Variants in CHD6 observed in about 807,000 individuals in gnomAD.
CHD6 encodes the protein chromodomain helicase DNA binding protein 6, also known as ATP-dependent chromatin remodeler CHD6.
Under a neutral mutation model 276.9 loss-of-function variants are expected in CHD6, and 50 were observed. The observed-to-expected ratio is 0.18, with a 90% confidence interval of 0.14 to 0.23. The LOEUF (loss-of-function observed/expected upper bound fraction) is 0.23. CHD6 is among the 10% of genes least tolerant of loss of function. CHD6 has a pLI of 1.00. For synonymous variants in CHD6, 1,173 were observed against 1,229.3 expected (o/e 0.95, Z 0.96); for missense variants, 2,564 against 3,365.8 (o/e 0.76, Z 5.89).
Position 41,441,090 on chromosome 20 carries a change from A to G in CHD6, c.3878-961T>C, listed in dbSNP as rs373294567. Among the ~76,000 whole-genome samples, 9 of 152,306 alleles carry G rather than the reference A, an allele frequency of 5.9e-5. No individual in the cohort carries two copies. In the East Asian group the frequency reaches 1.7e-3, roughly 29 times the overall value. On this transcript the variant is annotated intron_variant, in intron 25 of 36. Transcript: ENST00000373233. ...GCCATCTCCATGACAGGTGCTGCCC[A>G]CATGAGGTACCTGGCACGAGAAGCT...
At chr20:41,503,553 C>T (rs1336957948) in intron 5 of CHD6, among the ~76,000 whole-genome samples, 1 of 152,048 alleles carries the variant, frequency 6.6e-6, no homozygotes, top group Non-Finnish European at 1.5e-5. Context: ...CAATATTATC[C>T]ACCAGATTTT....
intron 5 of CHD6, among the ~76,000 whole-genome samples, chr20:41,505,128 G>A (rs539096174): frequency 6.6e-6 from 1 of 152,260 alleles, no homozygotes; most frequent in East Asian, 1.9e-4. Context: ...CCTGAAACAT[G>A]CTCTATGGAG....
chr20:41,476,717 T>C (rs192593148), intron 16 of CHD6, among the ~76,000 whole-genome samples: 52 of 151,698 alleles, frequency 3.4e-4, no homozygotes, highest in Non-Finnish European at 1.2e-4. Flanking sequence ...GAGACAATAG[T>C]GTATATGAAG....
At chr20:41,610,830 GTA>G (rs1568733106) in intron 1 of CHD6, among the ~76,000 whole-genome samples, 4 of 152,096 alleles carry the variant, frequency 2.6e-5, no homozygotes, top group Non-Finnish European at 5.9e-5. Flanking sequence ...GAAATACTTT[GTA>G]TGGTAAAAAT....
intron 1 of CHD6, among the ~76,000 whole-genome samples, chr20:41,555,139 G>A (rs1423436117): frequency 1.1e-4 from 15 of 131,986 alleles, no homozygotes; most frequent in East Asian, 2.9e-4. Context: ...CCGACGGGGC[G>A]GCTGGCCGGG....
intron 1 of CHD6, among the ~76,000 whole-genome samples, chr20:41,559,048 A>C: frequency 6.6e-6 from 1 of 152,156 alleles, no homozygotes; most frequent in Non-Finnish European, 1.5e-5. Context: ...TTTCATTACA[A>C]TGTTGATGAG....
At position 41,534,647 on chromosome 20, in the gene CHD6, T is replaced by C. The variant is rs181926768; in HGVS notation, c.34-1077A>G. On this transcript the variant is annotated intron_variant, in intron 2 of 36. Coordinates refer to ENST00000373233, the MANE Select transcript of CHD6 (RefSeq NM_032221.5). ...CTCATAAGCCTAAATACAAAGGGAATTGGTCATTCTGACAGGACTCACTAC... is the reference window on the plus strand; with the variant it reads ...CTCATAAGCCTAAATACAAAGGGAACTGGTCATTCTGACAGGACTCACTAC... 6.5e-4 allele frequency among the ~76,000 whole-genome samples: 99 copies of C among 152,178 alleles called. No individual in the cohort carries two copies. In the East Asian group the frequency reaches 0.012, roughly 19 times the overall value.
In CHD6 at chr20:41,451,846, T is replaced by A; in HGVS notation, c.3503A>T (p.Gln1168Leu). 6.2e-7 allele frequency: 1 copy of A among 1,614,176 alleles called. No homozygotes were observed. Among genetic ancestry groups the A allele is most frequent in the Non-Finnish European group, 8.5e-7 (1 of 1,180,004 alleles). ...LITPTKDGQA[Q>L]TLQNHSGLSA... ...CTCACCTGAGTGGTTCTGGAGGGTC[T>A]GGGCTTGCCCATCTTTGGTAGGTGT... Residue 1168 changes from glutamine to leucine, a missense_variant, in exon 22 of 37, where the codon CAG (glutamine) becomes CTG (leucine). This residue lies in a region of CHD6 where 515 missense variants were observed against 739.5 expected (regional missense o/e 0.70). Transcript: ENST00000373233.
chr20:41,494,626 T>C (rs1440965470), intron 8 of CHD6, among the ~76,000 whole-genome samples: 1 of 152,190 alleles, frequency 6.6e-6, no homozygotes, highest in Admixed American at 6.5e-5. Flanking sequence ...GTGACCAAGT[T>C]GACGGAGCTA....
intron 1 of CHD6, among the ~76,000 whole-genome samples, chr20:41,582,959 G>C (rs770297005): frequency 6.6e-6 from 1 of 152,094 alleles, no homozygotes; most frequent in Non-Finnish European, 1.5e-5. Flanking sequence ...AAAAGAAGTG[G>C]AGGGAAACAC....
intron 17 of CHD6, among the ~76,000 whole-genome samples, chr20:41,466,095 C>T (rs184550518): frequency 5.7e-4 from 86 of 152,154 alleles, no homozygotes; most frequent in Middle Eastern, 3.4e-3. Flanking sequence ...CCAACTACTT[C>T]GGAGGCTGAG....
rs148665616 is a variant in CHD6, at chr20:41,556,870, A to G, written c.-23-5510T>C. The stretch of plus-strand genomic sequence containing the variant: ...TTTTTAAATCTTTTTAAAGGCACAC[A>G]TTAAAAAATACATAAAACAATGTCA... On this transcript the variant is annotated intron_variant, in intron 1 of 36. Coordinates refer to ENST00000373233, the MANE Select transcript of CHD6 (RefSeq NM_032221.5). 5.6e-3 allele frequency among the ~76,000 whole-genome samples: 855 copies of G among 152,346 alleles called. 8 individuals carry two copies. The highest frequency in any genetic ancestry group is 0.024 in the Middle Eastern group (7 of 294).
chr20:41,546,183 C>T (rs528336210), intron 2 of CHD6, among the ~76,000 whole-genome samples: 1 of 152,006 alleles, frequency 6.6e-6, no homozygotes, highest in South Asian at 2.1e-4. Context: ...TAAATTATAC[C>T]CATATTCACT....
chr20:41,542,959 C>CT (rs1169721812), intron 2 of CHD6, among the ~76,000 whole-genome samples: 1 of 151,982 alleles, frequency 6.6e-6, no homozygotes, highest in Non-Finnish European at 1.5e-5. Flanking sequence ...AAAAAACTAG[C>CT]TGGGTGTGGT....
rs1601132180 is a variant in CHD6 at position 41,551,393 on chromosome 20, G to A, written c.-23-33C>T. 6 of 982,654 alleles carry A rather than the reference G, an allele frequency of 6.1e-6. No individual in the cohort carries two copies. In the East Asian group the frequency reaches 1.0e-4, roughly 17 times the overall value. The allele number at this position is 982,654 out of a possible 1,614,324, so 60.9% of individuals were successfully genotyped here. ...ACATTTTTAAAAAGGCAAAGATTAT[G>A]ACAAAACCCAAAATAAAACATTTTC... On this transcript the variant is annotated intron_variant, in intron 1 of 36. Transcript: ENST00000373233.
intron 36 of CHD6, among the ~76,000 whole-genome samples, chr20:41,409,284 C>A (rs2046774400): frequency 6.6e-6 from 1 of 152,174 alleles, no homozygotes; most frequent in Non-Finnish European, 1.5e-5. Flanking sequence ...GCCAGGCGGG[C>A]TTTGGCAGCT....
Position 41,491,299 on chromosome 20 carries a change from C to CATAT in CHD6, c.1436+395_1436+398dup, listed in dbSNP as rs145303299. On this transcript the variant is annotated intron_variant, in intron 11 of 36. Coordinates refer to ENST00000373233, the MANE Select transcript of CHD6 (RefSeq NM_032221.5). ...AAGTTTTTGTATAGCTGTATATTCC[C>CATAT]ATATATATATATATATATTCCTATA... Among the ~76,000 whole-genome samples, 64 of 143,874 alleles carry CATAT rather than the reference C, an allele frequency of 4.4e-4. No homozygotes were observed. In the Middle Eastern group the frequency reaches 0.011, roughly 24 times the overall value. The allele number at this position is 143,874 out of a possible 152,430, so 94.4% of individuals were successfully genotyped here. A position where few individuals can be genotyped will look rare whatever the true frequency, so the allele number is the denominator to read the frequency against.
At chr20:41,564,030 GAT>G (rs1355190613) in intron 1 of CHD6, 1 of 778,718 alleles carries the variant, frequency 1.3e-6, no homozygotes, top group Non-Finnish European at 2.4e-6. Flanking sequence ...TGGGAGTGAA[GAT>G]ATCTGGGTTC....
At chr20:41,618,033 A>C (rs1356444472) in intron 1 of CHD6, among the ~76,000 whole-genome samples, 1 of 146,448 alleles carries the variant, frequency 6.8e-6, no homozygotes, top group Non-Finnish European at 1.5e-5. Flanking sequence ...CGCGGCCCGC[A>C]GCGGCGCACT....
Sources: gnomAD v4.1 joint callset for allele counts (sites outside exome capture counted in the v4.1 genomes callset) on GRCh38, gnomAD v4.1.1 for gene constraint, gnomAD v4.1.1 regional missense constraint, MANE v1.5 for transcripts, NCBI Gene and HGNC (gene_info 2026-07-23, HGNC 2026-07-21) for gene names.